The following KIF20B variants were observed in gnomAD, a reference collection of about 807,000 sequenced individuals.
KIF20B encodes kinesin-like protein KIF20B.
In KIF20B, 188 loss-of-function variants were observed where a neutral mutation model predicts 232.5. That is an observed-to-expected ratio of 0.81 (90% CI 0.72 to 0.91). The LOEUF (loss-of-function observed/expected upper bound fraction) is 0.91. Among genes scored for constraint, KIF20B ranks in the 40% least tolerant of loss-of-function variants. KIF20B has a pLI of 0.00. For synonymous variants in KIF20B, 712 were observed against 683.0 expected (o/e 1.04, Z -0.66); for missense variants, 2,154 against 2,055.9 (o/e 1.05, Z -0.92).
chr10:89,759,596 C>A (rs1842197123), intron 27 of KIF20B, among the ~76,000 whole-genome samples: 1 of 152,106 alleles, frequency 6.6e-6, no homozygotes. Context: ...AATAATATAT[C>A]CTAGAAAGTC....
At chr10:89,768,143 G>A in intron 29 of KIF20B, 147 bp from the exon 30 acceptor site, 1 of 597,228 alleles carries the variant, frequency 1.7e-6, no homozygotes, top group South Asian at 2.0e-5. Flanking sequence ...TTCAAACATT[G>A]CCATTGTCCT....
chr10:89,750,215 ATAAT>A (rs1841995356), intron 23 of KIF20B, among the ~76,000 whole-genome samples: 1 of 152,138 alleles, frequency 6.6e-6, no homozygotes, highest in Non-Finnish European at 1.5e-5. Context: ...TTTTTAATTG[ATAAT>A]TAGATTTGTA....
chr10:89,745,579 A>G (rs76751916), intron 22 of KIF20B, among the ~76,000 whole-genome samples: 1 of 151,294 alleles, frequency 6.6e-6, no homozygotes, highest in Non-Finnish European at 1.5e-5. Flanking sequence ...TTTTTTTTTA[A>G]TTTTTTTAAA....
chr10:89,726,346 T>C lies in KIF20B; in HGVS notation c.2055T>C (p.Asn685=). 1 of 1,553,432 alleles carries C rather than the reference T, an allele frequency of 6.4e-7. No homozygotes were observed. Among genetic ancestry groups the C allele is most frequent in the Non-Finnish European group, 8.7e-7 (1 of 1,147,672 alleles). ...FEDIIDSLQD[N]VADIKKQAEI... The stretch of plus-strand genomic sequence containing the variant: ...ATATTATTGATTCTCTTCAAGATAA[T>C]GTTGCTGATATTAAGAAACAGGCTG... The change falls in exon 16 of 33, where the codon AAT becomes AAC. Residue 685 remains asparagine, a synonymous_variant. Coordinates refer to ENST00000371728, the MANE Select transcript of KIF20B (RefSeq NM_001284259.2).
intron 2 of KIF20B, among the ~76,000 whole-genome samples, chr10:89,708,650 T>C (rs1223956309): frequency 1.3e-5 from 2 of 152,218 alleles, no homozygotes; most frequent in Admixed American, 1.3e-4. Context: ...TCTAGTTATG[T>C]CTGTTTTGAT....
intron 2 of KIF20B, among the ~76,000 whole-genome samples, chr10:89,707,194 AAC>A (rs760405399): frequency 2.0e-5 from 3 of 152,200 alleles, no homozygotes; most frequent in Non-Finnish European, 4.4e-5. Flanking sequence ...GGCATAATGA[AAC>A]ACTGCATATA....
In KIF20B at chr10:89,733,021, A is replaced by G; in HGVS notation, c.2510A>G (p.Asn837Ser). Reference protein sequence around the residue: ...ICSERKRVNENELQQDEPPAK... With the variant: ...ICSERKRVNESELQQDEPPAK... ...TCAGAAAGAAAAAGAGTAAATGAAA[A>G]TGAACTTCAGCAAGATGAACCACCA... Residue 837 changes from asparagine (N) to serine (S), a missense_variant, in exon 19 of 33, where the codon AAT becomes AGT. By Grantham distance (46) the Asn-to-Ser change is conservative. Transcript: ENST00000371728. 1 of 1,613,800 alleles carries G rather than the reference A, an allele frequency of 6.2e-7. No individual in the cohort carries two copies. Among genetic ancestry groups the G allele is most frequent in the African/African-American group, 1.3e-5 (1 of 75,038 alleles).
At chr10:89,755,249 A>G (rs1250282303) in intron 26 of KIF20B, among the ~76,000 whole-genome samples, 1 of 152,360 alleles carries the variant, frequency 6.6e-6, no homozygotes, top group Non-Finnish European at 1.5e-5. Context: ...ATGAAAAACC[A>G]GTGTCTATAA....
At chr10:89,761,988 A>G (rs1842252076) in intron 28 of KIF20B, among the ~76,000 whole-genome samples, 1 of 152,178 alleles carries the variant, frequency 6.6e-6, no homozygotes, top group Admixed American at 6.6e-5. Flanking sequence ...AAAATGATTA[A>G]TTCAGTTAAC....
At chr10:89,703,545 G>A (rs1328424700) in intron 1 of KIF20B, among the ~76,000 whole-genome samples, 1 of 152,142 alleles carries the variant, frequency 6.6e-6, no homozygotes. Flanking sequence ...ACAGTGGAGA[G>A]TCTCCGGATC....
intron 24 of KIF20B, 75 bp from the exon 25 acceptor site, chr10:89,752,492 C>A: frequency 1.9e-6 from 2 of 1,054,876 alleles, no homozygotes; most frequent in Non-Finnish European, 2.6e-6. Context: ...GTGTCTGTAG[C>A]CCATGTCAAG....
intron 6 of KIF20B, among the ~76,000 whole-genome samples, chr10:89,713,236 C>T (rs1481911818): frequency 6.6e-6 from 1 of 151,784 alleles, no homozygotes; most frequent in African/African-American, 2.4e-5. Context: ...TGACTCACAC[C>T]TGTAGTCCCA....
intron 2 of KIF20B, among the ~76,000 whole-genome samples, chr10:89,706,171 C>CT (rs1842719506): frequency 6.6e-6 from 1 of 152,146 alleles, no homozygotes; most frequent in Non-Finnish European, 1.5e-5. Flanking sequence ...GATAATGGAA[C>CT]TTTTTATTTC....
chr10:89,769,680 TAC>T (rs2133179867), intron 31 of KIF20B, among the ~76,000 whole-genome samples: 1 of 145,790 alleles, frequency 6.9e-6, no homozygotes, highest in East Asian at 2.3e-4. Flanking sequence ...TTAAGATATA[TAC>T]ACATGTGTGC....
intron 2 of KIF20B, among the ~76,000 whole-genome samples, chr10:89,707,182 T>A (rs1313091513): frequency 2.0e-5 from 3 of 152,204 alleles, no homozygotes; most frequent in Admixed American, 2.0e-4. Flanking sequence ...TTGCTTTATT[T>A]AGGCATAATG....
intron 19 of KIF20B, 159 bp downstream of exon 19, chr10:89,733,215 G>C: frequency 1.5e-6 from 1 of 663,764 alleles, no homozygotes. Flanking sequence ...ACATTTTCTA[G>C]GGATGGGCAT....
At chr10:89,766,894 C>G (rs746181982) in intron 29 of KIF20B, among the ~76,000 whole-genome samples, 1 of 151,660 alleles carries the variant, frequency 6.6e-6, no homozygotes, top group Non-Finnish European at 1.5e-5. Flanking sequence ...CACTGAGTTT[C>G]ATCATCTAGT....
chr10:89,738,277 AAG>A lies in KIF20B; in HGVS notation c.3441_3442del (p.Arg1147SerfsTer13), dbSNP rs758528606. 1.1e-5 allele frequency: 17 copies of A among 1,610,576 alleles called. No homozygotes were observed. The highest frequency in any genetic ancestry group is 4.5e-5 in the East Asian group (2 of 44,800). ...DVQIQHVVEG[K>X]RALSELTQGV... ...TCAAATACAGCATGTAGTTGAAGGA[AAG>A]AGAGCGCTTTCAGAACTTACACAAG... On this transcript the variant is annotated frameshift_variant, in exon 20 of 33. Coordinates refer to ENST00000371728, the MANE Select transcript of KIF20B (RefSeq NM_001284259.2). LOFTEE classifies it high-confidence loss of function.
At chr10:89,724,127 G>T (rs1308457096) in intron 14 of KIF20B, 24 bp downstream of exon 14, 12 of 1,431,780 alleles carry the variant, frequency 8.4e-6, no homozygotes, top group Middle Eastern at 1.9e-4. Context: ...TTCATGTCCA[G>T]GTAAAAATTG....
Sources: allele counts gnomAD v4.1 joint callset (sites outside exome capture counted in the v4.1 genomes callset), GRCh38; gene constraint gnomAD v4.1.1; transcripts MANE v1.5; gene names NCBI Gene and HGNC (gene_info 2026-07-23, HGNC 2026-07-21).